LRRIQ1: variants seen among roughly 807,000 people sequenced by gnomAD.
LRRIQ1 encodes the protein leucine-rich repeat- and IQ domain-containing protein 1.
In LRRIQ1, 210 loss-of-function variants were observed where a neutral mutation model predicts 211.9. That is an observed-to-expected ratio of 0.99 (90% confidence interval 0.89 to 1.11). The LOEUF (loss-of-function observed/expected upper bound fraction) is 1.11, where lower values mean the gene tolerates loss of function less well. Among genes scored for constraint, LRRIQ1 ranks in the 50% most tolerant of loss-of-function variants. The pLI is 0.00. For missense variants in LRRIQ1, 2,136 were observed against 1,939.5 expected (o/e 1.10, Z -1.90); for synonymous variants, 699 against 650.1 (o/e 1.08, Z -1.14).
intron 17 of LRRIQ1, 23 bp from the exon 18 acceptor site, chr12:85,127,809 G>GTT: frequency 6.5e-7 from 1 of 1,542,064 alleles, no homozygotes; most frequent in South Asian, 1.2e-5. Context: ...AAAAGTGTGT[G>GTT]TTTTTTTTTC....
rs529819123 is a variant in LRRIQ1 at position 85,124,143 on chromosome 12, T to C, written c.3631T>C (p.Tyr1211His). The C allele has an allele frequency of 1.2e-6, 2 of 1,613,948 alleles. No individual in the cohort carries two copies. The highest frequency in any genetic ancestry group is 1.7e-6 in the Non-Finnish European group (2 of 1,179,980). The change falls in exon 17 of 27, where the codon TAC (tyrosine) becomes CAC (histidine). Residue 1211 changes from tyrosine to histidine, a missense_variant. By Grantham distance (83) the Tyr-to-His change is moderately conservative. Coordinates refer to ENST00000393217, the MANE Select transcript of LRRIQ1 (RefSeq NM_001079910.2). ...FKKLMILSTE[Y>H]RHAHERGDVT... ...GAAATTGATGATACTTAGTACTGAA[T>C]ACCGACATGCACACGAACGAGGGGA...
chr12:85,040,141 T>G (rs567071068), intron 2 of LRRIQ1, among the ~76,000 whole-genome samples: 9 of 151,772 alleles, frequency 5.9e-5, no homozygotes, highest in Admixed American at 1.3e-4. Context: ...CTTGCAGTTT[T>G]GATTAATATT....
chr12:85,189,415 T>C (rs1445605855), intron 24 of LRRIQ1, among the ~76,000 whole-genome samples: 1 of 151,940 alleles, frequency 6.6e-6, no homozygotes, highest in Non-Finnish European at 1.5e-5. Flanking sequence ...TAAGGAAATA[T>C]TCAAATGGAA....
Position 85,241,220 on chromosome 12 carries a change from G to A in LRRIQ1, c.5017-3569G>A, listed in dbSNP as rs571318523. Reference sequence around the variant, plus strand: ...GCTATATTTTGTAACTTCTATGGGAGTTTTAAACTTCTATGGGAGTTGAAC... The same window carrying A: ...GCTATATTTTGTAACTTCTATGGGAATTTTAAACTTCTATGGGAGTTGAAC... On this transcript the variant is annotated intron_variant, in intron 26 of 26. Coordinates refer to ENST00000393217, the MANE Select transcript of LRRIQ1 (RefSeq NM_001079910.2). 1.2e-3 allele frequency among the ~76,000 whole-genome samples: 178 copies of A among 152,052 alleles called. 1 individual carries two copies. Among genetic ancestry groups the A allele is most frequent in the African/African-American group, 4.0e-3 (166 of 41,500 alleles).
intron 24 of LRRIQ1, among the ~76,000 whole-genome samples, chr12:85,173,662 A>AAG (rs148337131): frequency 3.7e-4 from 55 of 148,422 alleles, no homozygotes; most frequent in African/African-American, 5.9e-4. Flanking sequence ...CACACACAGA[A>AAG]AGAGAGAGAG....
At position 85,056,118 on chromosome 12, in the gene LRRIQ1, T is replaced by C. The variant is rs1183004107; in HGVS notation, c.1325T>C (p.Val442Ala). ...KKQEDVLLWLVEESNMKENVD... is the reference protein window; with the variant it reads ...KKQEDVLLWLAEESNMKENVD... ...CAGGAAGATGTTCTCCTTTGGCTAGTTGAGGAATCAAATATGAAAGAAAAT... is the reference window on the plus strand; with the variant it reads ...CAGGAAGATGTTCTCCTTTGGCTAGCTGAGGAATCAAATATGAAAGAAAAT... Residue 442 changes from valine (V) to alanine (A), a missense_variant, in exon 8 of 27, where the codon GTT becomes GCT. Val to Ala is a moderately conservative substitution (Grantham distance 64). Coordinates refer to ENST00000393217, the MANE Select transcript of LRRIQ1 (RefSeq NM_001079910.2). The C allele has an allele frequency of 5.6e-6, 9 of 1,599,516 alleles. No individual in the cohort carries two copies. Among genetic ancestry groups the C allele is most frequent in the Admixed American group, 1.8e-5 (1 of 56,496 alleles).
chr12:85,215,908 A>G (rs2137095054), intron 24 of LRRIQ1, among the ~76,000 whole-genome samples: 1 of 152,326 alleles, frequency 6.6e-6, no homozygotes, highest in African/African-American at 2.4e-5. Context: ...TCAAAAGCAA[A>G]CAAAGCTATA....
chr12:85,270,345 T>C, the LRRIQ1 span, among the ~76,000 whole-genome samples: 28 of 152,088 alleles, frequency 1.8e-4, no homozygotes, highest in Non-Finnish European at 3.7e-4. Context: ...CCCCATCTCC[T>C]GAGTCACAAA....
chr12:85,078,012 A>G (rs1301554497), intron 11 of LRRIQ1, among the ~76,000 whole-genome samples: 1 of 150,940 alleles, frequency 6.6e-6, no homozygotes, highest in Non-Finnish European at 1.5e-5. Flanking sequence ...TTGATTAAAG[A>G]CAAAGGGTAG....
chr12:85,136,704 T>C (rs772127483), intron 18 of LRRIQ1, among the ~76,000 whole-genome samples: 76 of 151,816 alleles, frequency 5.0e-4, no homozygotes, highest in African/African-American at 1.8e-3. Flanking sequence ...TCTGTATATA[T>C]ATATATTTCA....
chr12:85,213,068 T>C (rs1206463112), intron 24 of LRRIQ1, among the ~76,000 whole-genome samples: 1 of 151,652 alleles, frequency 6.6e-6, no homozygotes, highest in African/African-American at 2.4e-5. Context: ...CAAATAGTAA[T>C]TATTTCTAGA....
chr12:85,210,500 C>T (rs1412599174), intron 24 of LRRIQ1, among the ~76,000 whole-genome samples: 1 of 152,052 alleles, frequency 6.6e-6, no homozygotes, highest in Non-Finnish European at 1.5e-5. Flanking sequence ...CTTGGTTTAG[C>T]TTCTTGTTTT....
intron 19 of LRRIQ1, among the ~76,000 whole-genome samples, chr12:85,148,018 A>G (rs1311066466): frequency 6.6e-6 from 1 of 151,784 alleles, no homozygotes; most frequent in African/African-American, 2.4e-5. Context: ...CACTGCCTCC[A>G]TTGCCAGTTA....
At chr12:85,138,146 G>A (rs1206801521) in intron 19 of LRRIQ1, among the ~76,000 whole-genome samples, 177 bp downstream of exon 19, 4 of 151,436 alleles carry the variant, frequency 2.6e-5, no homozygotes. Context: ...TGTATAGTGT[G>A]CAAAGGTGGC....
At chr12:85,259,831 T>C (rs1034762459) in intron 1 of LRRIQ1, among the ~76,000 whole-genome samples, 10 of 152,046 alleles carry the variant, frequency 6.6e-5, no homozygotes, top group Admixed American at 6.6e-4. Context: ...TTTTAAAATA[T>C]AGGTTTACGT....
At chr12:85,216,234 G>C (rs1363109913) in intron 24 of LRRIQ1, among the ~76,000 whole-genome samples, 1 of 152,000 alleles carries the variant, frequency 6.6e-6, no homozygotes, top group Non-Finnish European at 1.5e-5. Flanking sequence ...ATGTGTTCTC[G>C]TTCAACTCCC....
At chr12:85,168,777 C>T (rs1037637644) in intron 24 of LRRIQ1, among the ~76,000 whole-genome samples, 3 of 152,090 alleles carry the variant, frequency 2.0e-5, no homozygotes, top group Admixed American at 6.6e-5. Flanking sequence ...ATTGTGACTT[C>T]GAAAGGCCAT....
At chr12:85,271,793 G>C in the LRRIQ1 span, among the ~76,000 whole-genome samples, 4 of 151,874 alleles carry the variant, frequency 2.6e-5, no homozygotes, top group Non-Finnish European at 4.4e-5. Flanking sequence ...TTGCAATTTT[G>C]GGTTTGCATC....
At chr12:85,090,371 A>G (rs1885260814) in intron 11 of LRRIQ1, among the ~76,000 whole-genome samples, 1 of 152,110 alleles carries the variant, frequency 6.6e-6, no homozygotes, top group Non-Finnish European at 1.5e-5. Flanking sequence ...GGTCCTCCAG[A>G]CTCAAGAATT....
Sources: allele counts gnomAD v4.1 joint callset (sites outside exome capture counted in the v4.1 genomes callset), GRCh38; gene constraint gnomAD v4.1.1; transcripts MANE v1.5; gene names NCBI Gene and HGNC (gene_info 2026-07-23, HGNC 2026-07-21).